Variants in FNDC8 observed in about 807,000 individuals in gnomAD.
The protein encoded by FNDC8 is fibronectin type III domain-containing protein 8.
Under a neutral mutation model 24.8 loss-of-function variants are expected in FNDC8, and 23 were observed. The ratio of observed to expected loss-of-function variants is 0.93; its 90% CI spans 0.67 to 1.31. The LOEUF is 1.31. Among genes scored for constraint, FNDC8 ranks in the 40% most tolerant of loss-of-function variants. FNDC8 has a pLI of 0.00. For missense variants in FNDC8, 371 were observed against 398.2 expected, an observed-to-expected ratio of 0.93 and a Z score of 0.58; for synonymous variants, 158 against 165.3, an observed-to-expected ratio of 0.96 and a Z score of 0.34.
At chr17:35,126,360 G>A (rs969730567) in intron 1 of FNDC8, among the ~76,000 whole-genome samples, 1 of 152,142 alleles carries the variant, frequency 6.6e-6, no homozygotes, top group Admixed American at 6.5e-5. Flanking sequence ...GAAATTGAAT[G>A]TATTACTTCC....
Position 35,121,711 on chromosome 17 carries a change from C to A in FNDC8, c.18C>A (p.Leu6=). The part of the protein sequence containing the change: MASEA[L]HQVGDGEEAV... ...CAAATCAGATGGCATCAGAGGCACT[C>A]CATCAAGTGGGAGATGGGGAGGAGG... The change falls in exon 1 of 4, where the codon CTC becomes CTA. Residue 6 remains leucine (L), a synonymous_variant. Coordinates refer to ENST00000158009, the MANE Select transcript of FNDC8 (RefSeq NM_017559.4). The A allele has an allele frequency of 3.1e-6, 5 of 1,614,036 alleles. No homozygotes were observed. The highest frequency in any genetic ancestry group is 4.2e-6 in the Non-Finnish European group (5 of 1,180,018).
Position 35,129,454 on chromosome 17 carries a change from G to T in FNDC8, c.618G>T (p.Pro206=), listed in dbSNP as rs199964483. 1 of 1,614,070 alleles carries T rather than the reference G, an allele frequency of 6.2e-7. No homozygotes were observed. The highest frequency in any genetic ancestry group is 8.5e-7 in the Non-Finnish European group (1 of 1,179,960). The change falls in exon 3 of 4, where the codon CCG becomes CCT. Residue 206 remains proline (P), a synonymous_variant. Coordinates refer to ENST00000158009, the MANE Select transcript of FNDC8 (RefSeq NM_017559.4). ...ISWTYALGKQ[P]VSFYQLLLQE... is the part of the protein sequence containing the mutation. ...GGACCTACGCCTTGGGCAAGCAGCC[G>T]GTCAGTTTCTACCAGCTCCTGTTAC... is the stretch of plus-strand genomic sequence containing the variant.
rs2091827170 is a variant in FNDC8 at position 35,121,944 on chromosome 17, TC to T, written c.209+45del. 3 of 1,146,436 alleles carry T rather than the reference TC, an allele frequency of 2.6e-6. No homozygotes were observed. In the African/African-American group the frequency reaches 8.7e-5, roughly 33 times the overall value. The allele number at this position is 1,146,436 out of a possible 1,614,324, so 71.0% of individuals were successfully genotyped here. The stretch of plus-strand genomic sequence containing the variant: ...GTCCCTCCCTCCCTCCCTCCCTCCC[TC>T]CCTTCCTTCCTCCCTTCCTTCCTCC... On this transcript the variant is annotated intron_variant, in intron 1 of 3. Coordinates refer to ENST00000158009, the MANE Select transcript of FNDC8 (RefSeq NM_017559.4).
At chr17:35,121,969 CCCTTCCTT>C in intron 1 of FNDC8, 67 bp downstream of exon 1, 1 of 1,110,466 alleles carries the variant, frequency 9.0e-7, no homozygotes, top group Non-Finnish European at 1.3e-6. Flanking sequence ...CTTCCTTCCT[CCCTTCCTT>C]CCTTCCTTCC....
At chr17:35,129,359 G>A in intron 2 of FNDC8, 63 bp from the exon 3 acceptor site, 1 of 1,573,630 alleles carries the variant, frequency 6.4e-7, no homozygotes, top group South Asian at 1.2e-5. Context: ...CCAGTTGGGA[G>A]GGTGAAGGGA....
intron 2 of FNDC8, 64 bp from the exon 3 acceptor site, chr17:35,129,354 TGGGA>T: frequency 1.3e-6 from 2 of 1,566,670 alleles, no homozygotes; most frequent in Non-Finnish European, 1.7e-6. Context: ...TGACCCCAGT[TGGGA>T]GGGTGAAGGG....
chr17:35,125,969 G>A (rs939572211), intron 1 of FNDC8, among the ~76,000 whole-genome samples: 1 of 152,124 alleles, frequency 6.6e-6, no homozygotes, highest in Admixed American at 6.6e-5. Flanking sequence ...TGCCCAGGCT[G>A]GAGTGCAGTG....
In FNDC8 at chr17:35,127,155, G is replaced by C. The variant is rs1035302345; in HGVS notation, c.323G>C (p.Ser108Thr). Reference sequence around the variant, plus strand: ...TTAGCTGTGACCCAGCCCAACAGCAGCTTCTTTGCAGGGATGCTGGAGGGG... The same window carrying C: ...TTAGCTGTGACCCAGCCCAACAGCACCTTCTTTGCAGGGATGCTGGAGGGG... ...IKLAVTQPNSSFFAGMLEGEL... is the reference protein window; with the variant it reads ...IKLAVTQPNSTFFAGMLEGEL... Residue 108 changes from serine to threonine, a missense_variant, in exon 2 of 4, where the codon AGC (serine) becomes ACC (threonine). Physicochemically the swap from Ser to Thr is moderately conservative, Grantham distance 58. Coordinates refer to ENST00000158009, the MANE Select transcript of FNDC8 (RefSeq NM_017559.4). 20 of 1,614,104 alleles carry C rather than the reference G, an allele frequency of 1.2e-5. No homozygotes were observed. The African/African-American group carries it at 2.4e-4, about 19-fold the overall frequency.
At chr17:35,130,213 TAGAGAC>T (rs1025114705) in intron 3 of FNDC8, 63 bp from the exon 4 acceptor site, 41 of 1,564,736 alleles carry the variant, frequency 2.6e-5, no homozygotes, top group African/African-American at 4.1e-5. Context: ...AAAGGGGTGA[TAGAGAC>T]AGAGAGAGAG....
Position 35,122,193 on chromosome 17 carries a change from TA to T in FNDC8, c.209+292del, listed in dbSNP as rs1567738529. 2.1e-3 allele frequency among the ~76,000 whole-genome samples: 44 copies of T among 21,154 alleles called. 2 individuals are homozygous for T. The highest frequency in any genetic ancestry group is 0.01 in the African/African-American group (42 of 4,004). 13.9% of individuals were successfully genotyped at this position (21,154 alleles called of 152,430 possible). A position where few individuals can be genotyped will look rare whatever the true frequency, so the allele number is the denominator to read the frequency against. On this transcript the variant is annotated intron_variant, in intron 1 of 3. Transcript: ENST00000158009. The stretch of plus-strand genomic sequence containing the variant: ...ATATATATATATATATATATATATA[TA>T]TATATATATATATAAATTTTTTTTT...
intron 2 of FNDC8, chr17:35,129,205 C>A: frequency 1.7e-6 from 1 of 596,992 alleles, no homozygotes; most frequent in Non-Finnish European, 3.0e-6. Context: ...TGAGGGTGTA[C>A]CCTAAAGTGG....
chr17:35,127,684 C>G (rs1049532624), intron 2 of FNDC8, among the ~76,000 whole-genome samples: 1 of 152,194 alleles, frequency 6.6e-6, no homozygotes, highest in South Asian at 2.1e-4. Flanking sequence ...TTGGTAACAT[C>G]TGAGCTGGGA....
intron 3 of FNDC8, 55 bp downstream of exon 3, chr17:35,129,713 A>G (rs62062406): frequency 7.6e-6 from 12 of 1,582,914 alleles, no homozygotes; most frequent in Non-Finnish European, 1.0e-5. Flanking sequence ...AAAGCCAGGG[A>G]ACCAGGGCTT....
chr17:35,130,374 G>A lies in FNDC8; in HGVS notation c.915G>A (p.Val305=). The A allele has an allele frequency of 1.2e-6, 2 of 1,614,134 alleles. No individual in the cohort carries two copies. The highest frequency in any genetic ancestry group is 1.3e-5 in the African/African-American group (1 of 75,040). Residue 305 remains valine (V), a synonymous_variant, in exon 4 of 4, where the codon GTG becomes GTA. Coordinates refer to ENST00000158009, the MANE Select transcript of FNDC8 (RefSeq NM_017559.4). ...VRRKEPRQKI[V]SIGPEEMRRL... ...GCAAGGAACCCCGGCAAAAGATCGT[G>A]TCCATCGGGCCGGAGGAGATGCGGA...
chr17:35,130,475 C>A lies in FNDC8; in HGVS notation c.*41C>A. On this transcript the variant is annotated 3_prime_UTR_variant, in exon 4 of 4. Coordinates refer to ENST00000158009, the MANE Select transcript of FNDC8 (RefSeq NM_017559.4). Reference sequence around the variant, plus strand: ...GACACCCCTCACCTACTTTCAGCTTCAACCCCAGGCCCTCAGAAACCAGAG... The same window carrying A: ...GACACCCCTCACCTACTTTCAGCTTAAACCCCAGGCCCTCAGAAACCAGAG... 6.3e-7 allele frequency: 1 copy of A among 1,591,262 alleles called. No homozygotes were observed. Among genetic ancestry groups the A allele is most frequent in the Non-Finnish European group, 8.6e-7 (1 of 1,166,828 alleles).
At chr17:35,129,069 G>A in intron 2 of FNDC8, 2 of 228,658 alleles carry the variant, frequency 8.7e-6, no homozygotes, top group Admixed American at 9.9e-5. Context: ...TGTAAATACA[G>A]ATGAAGCTTC....
intron 1 of FNDC8, among the ~76,000 whole-genome samples, chr17:35,123,545 C>T (rs1017774728): frequency 2.0e-5 from 3 of 152,146 alleles, no homozygotes; most frequent in African/African-American, 7.2e-5. Context: ...TGAGACCAGC[C>T]TGGCCAACAT....
chr17:35,125,031 G>C (rs902951311), intron 1 of FNDC8, among the ~76,000 whole-genome samples: 3 of 147,248 alleles, frequency 2.0e-5, no homozygotes, highest in Non-Finnish European at 4.5e-5. Context: ...CTGGGCGACA[G>C]AGCGAGACTC....
At chr17:35,122,208 A>AAATT (rs2091832173) in intron 1 of FNDC8, among the ~76,000 whole-genome samples, 1 of 9,152 alleles carries the variant, frequency 1.1e-4, no homozygotes, top group Admixed American at 1.7e-3. Context: ...ATATATATAT[A>AAATT]AATTTTTTTT....
Sources: gnomAD v4.1 joint callset for allele counts (sites outside exome capture counted in the v4.1 genomes callset) on GRCh38, gnomAD v4.1.1 for gene constraint, MANE v1.5 for transcripts, NCBI Gene and HGNC (gene_info 2026-07-23, HGNC 2026-07-21) for gene names.